Variants in SIPA1L1 observed in about 807,000 individuals in gnomAD.
The protein encoded by SIPA1L1 is signal-induced proliferation-associated 1-like protein 1.
SIPA1L1 carries 26 observed loss-of-function variants against 162.7 expected under a neutral mutation model. The ratio of observed to expected loss-of-function variants is 0.16; its 90% CI spans 0.12 to 0.22. The LOEUF is 0.22. Among genes scored for constraint, SIPA1L1 ranks in the 10% least tolerant of loss-of-function variants. The probability of loss-of-function intolerance (pLI) is 1.00; values close to 1 mark genes in which losing one functional copy is unlikely to be tolerated. For missense variants in SIPA1L1, 1,874 were observed against 2,241.0 expected (o/e 0.84, Z 3.31); for synonymous variants, 829 against 837.4 (o/e 0.99, Z 0.17).
At chr14:71,471,020 T>C (rs955580250) in intron 2 of SIPA1L1, among the ~76,000 whole-genome samples, 3 of 152,066 alleles carry the variant, frequency 2.0e-5, no homozygotes, top group Non-Finnish European at 2.9e-5. Flanking sequence ...TGTATTTTTT[T>C]TAATAGAGAC....
chr14:71,468,547 G>A (rs1260254381), intron 2 of SIPA1L1, among the ~76,000 whole-genome samples: 1 of 152,046 alleles, frequency 6.6e-6, no homozygotes, highest in Non-Finnish European at 1.5e-5. Flanking sequence ...CACTCCAAGG[G>A]GATGGTTTTA....
intron 3 of SIPA1L1, among the ~76,000 whole-genome samples, chr14:71,526,717 C>T (rs2052912818): frequency 6.6e-6 from 1 of 151,948 alleles, no homozygotes; most frequent in Non-Finnish European, 1.5e-5. Context: ...TACTATTTGG[C>T]CCTTTACAGG....
At chr14:71,610,062 TC>T (rs1312638182) in intron 5 of SIPA1L1, among the ~76,000 whole-genome samples, 15 of 152,332 alleles carry the variant, frequency 9.8e-5, no homozygotes, top group Middle Eastern at 3.4e-3. Context: ...TACCATCATT[TC>T]AAAGTAGGGG....
intron 8 of SIPA1L1, among the ~76,000 whole-genome samples, chr14:71,656,469 G>T (rs905240030): frequency 1.8e-4 from 28 of 152,076 alleles, no homozygotes; most frequent in Admixed American, 5.2e-4. Flanking sequence ...TATAGAAAGG[G>T]TTCTTGACAA....
At chr14:71,353,961 CA>C in intron 2 of SIPA1L1, among the ~76,000 whole-genome samples, 1 of 151,596 alleles carries the variant, frequency 6.6e-6, no homozygotes, top group Non-Finnish European at 1.5e-5. Flanking sequence ...ATTCGAATAC[CA>C]AAAGAATAGG....
intron 2 of SIPA1L1, among the ~76,000 whole-genome samples, chr14:71,431,219 G>A (rs1201515020): frequency 6.6e-6 from 1 of 152,168 alleles, no homozygotes; most frequent in Non-Finnish European, 1.5e-5. Context: ...TAAGTTAGAA[G>A]AAAACCACCC....
intron 2 of SIPA1L1, among the ~76,000 whole-genome samples, chr14:71,449,629 G>A (rs2045666032): frequency 6.6e-6 from 1 of 152,130 alleles, no homozygotes; most frequent in Non-Finnish European, 1.5e-5. Flanking sequence ...TTCTATCTTA[G>A]GAACGAAGAA....
At chr14:71,345,945 G>A (rs2036122762) in intron 2 of SIPA1L1, among the ~76,000 whole-genome samples, 1 of 149,950 alleles carries the variant, frequency 6.7e-6, no homozygotes, top group Non-Finnish European at 1.5e-5. Context: ...TGGAGTCTCT[G>A]TTGCCAGGCT....
intron 2 of SIPA1L1, among the ~76,000 whole-genome samples, chr14:71,427,236 CT>C (rs548405834): frequency 1.8e-4 from 27 of 147,358 alleles, no homozygotes; most frequent in Admixed American, 2.7e-4. Context: ...ACTTTCTCAG[CT>C]TTTTTTTTTG....
chr14:71,576,267 A>G (rs2147149526), intron 4 of SIPA1L1, among the ~76,000 whole-genome samples: 1 of 152,152 alleles, frequency 6.6e-6, no homozygotes, highest in Non-Finnish European at 1.5e-5. Context: ...TAGGGATCAG[A>G]CTCTCGAGCA....
intron 4 of SIPA1L1, among the ~76,000 whole-genome samples, chr14:71,567,942 G>C (rs1224770542): frequency 4.6e-5 from 7 of 152,258 alleles, no homozygotes; most frequent in Admixed American, 2.0e-4. Context: ...GTAAACTGCA[G>C]TAGTGCTGGT....
rs922808992 is a variant in SIPA1L1 at position 71,724,979 on chromosome 14, T to C, written c.4614+144T>C. On this transcript the variant is annotated intron_variant, in intron 19 of 23. Transcript: ENST00000381232. ...ACTTCCTGCTATCATCCCATTTCCC[T>C]GATAACTGGTCCACAGTGTTTGACA... The C allele has an allele frequency of 7.1e-6, 5 of 704,876 alleles. No homozygotes were observed. The African/African-American group carries it at 9.0e-5, about 13-fold the overall frequency. The allele number at this position is 704,876 out of a possible 1,614,324, so 43.7% of individuals were successfully genotyped here.
intron 10 of SIPA1L1, among the ~76,000 whole-genome samples, chr14:71,665,777 C>G (rs2043944502): frequency 6.6e-6 from 1 of 152,040 alleles, no homozygotes; most frequent in Admixed American, 6.6e-5. Flanking sequence ...AGTGCCTACC[C>G]CTATATATAC....
intron 4 of SIPA1L1, among the ~76,000 whole-genome samples, chr14:71,558,836 G>C (rs111744144): frequency 1.7e-4 from 26 of 151,960 alleles, no homozygotes; most frequent in Non-Finnish European, 3.5e-4. Flanking sequence ...GGTGCACGCC[G>C]CTACACTTGG....
At chr14:71,511,549 A>G (rs1425390019) in intron 2 of SIPA1L1, among the ~76,000 whole-genome samples, 1 of 151,870 alleles carries the variant, frequency 6.6e-6, no homozygotes, top group Non-Finnish European at 1.5e-5. Flanking sequence ...TTTACATCCC[A>G]AAGTGTTGGG....
intron 2 of SIPA1L1, among the ~76,000 whole-genome samples, chr14:71,417,578 G>A (rs971075449): frequency 1.4e-5 from 2 of 143,842 alleles, no homozygotes; most frequent in African/African-American, 5.2e-5. Context: ...TATCCTCATT[G>A]TCTTTGCATT....
In SIPA1L1 at chr14:71,589,135, A is replaced by G; in HGVS notation, c.1263A>G (p.Ile421Met). 1 of 1,614,126 alleles carries G rather than the reference A, an allele frequency of 6.2e-7. No individual in the cohort carries two copies. Among genetic ancestry groups the G allele is most frequent in the Non-Finnish European group, 8.5e-7 (1 of 1,179,970 alleles). ...VMSCPYFRNE[I>M]GGEGERKISL... ...GCTGTCCATATTTTCGGAATGAGATAGGTGGAGAAGGGGAGAGGAAAATCA... is the reference window on the plus strand; with the variant it reads ...GCTGTCCATATTTTCGGAATGAGATGGGTGGAGAAGGGGAGAGGAAAATCA... Residue 421 changes from isoleucine to methionine, a missense_variant, in exon 5 of 24, where the codon ATA becomes ATG. Ile to Met is a conservative substitution (Grantham distance 10). Around this residue, in one of 5 missense-constraint regions of SIPA1L1, gnomAD observed 685 missense variants for 828.0 expected, o/e 0.83. Coordinates refer to ENST00000381232, the MANE Select transcript of SIPA1L1 (RefSeq NM_001386936.1).
chr14:71,422,732 T>C (rs1023824571), intron 2 of SIPA1L1, among the ~76,000 whole-genome samples: 1 of 152,262 alleles, frequency 6.6e-6, no homozygotes, highest in African/African-American at 2.4e-5. Flanking sequence ...CATCCATCGA[T>C]GGACACTTGG....
At chr14:71,405,474 T>A (rs2041971658) in intron 2 of SIPA1L1, among the ~76,000 whole-genome samples, 1 of 152,236 alleles carries the variant, frequency 6.6e-6, no homozygotes, top group Non-Finnish European at 1.5e-5. Context: ...TTGTCTCTTG[T>A]GTTTGTACAT....
Sources: gnomAD v4.1 joint callset for allele counts (sites outside exome capture counted in the v4.1 genomes callset) on GRCh38, gnomAD v4.1.1 for gene constraint, gnomAD v4.1.1 regional missense constraint, MANE v1.5 for transcripts, NCBI Gene and HGNC (gene_info 2026-07-23, HGNC 2026-07-21) for gene names.